SLC8A3: variants seen among roughly 807,000 people sequenced by gnomAD.
SLC8A3 encodes the protein solute carrier family 8 member A3.
SLC8A3 carries 37 observed loss-of-function variants against 65.4 expected under a neutral mutation model. The ratio of observed to expected loss-of-function variants is 0.57; its 90% CI spans 0.44 to 0.74. The LOEUF is 0.74. Among genes scored for constraint, SLC8A3 ranks in the 30% least tolerant of loss-of-function variants. The pLI is 0.00. For synonymous variants in SLC8A3, 461 were observed against 444.5 expected (o/e 1.04, Z -0.47); for missense variants, 1,112 against 1,172.1 (o/e 0.95, Z 0.75).
At chr14:70,105,024 A>G (rs1371788791) in intron 2 of SLC8A3, among the ~76,000 whole-genome samples, 1 of 152,214 alleles carries the variant, frequency 6.6e-6, no homozygotes, top group Non-Finnish European at 1.5e-5. Flanking sequence ...TCCTTTGAAA[A>G]GATTAATAAA....
intron 2 of SLC8A3, among the ~76,000 whole-genome samples, chr14:70,132,800 T>C (rs1264440613): frequency 6.6e-6 from 1 of 152,180 alleles, no homozygotes; most frequent in Admixed American, 6.5e-5. Flanking sequence ...GCTGAGACAG[T>C]GGAGACAGGA....
At chr14:70,075,918 A>G (rs1194040901) in intron 2 of SLC8A3, among the ~76,000 whole-genome samples, 2 of 152,190 alleles carry the variant, frequency 1.3e-5, no homozygotes, top group African/African-American at 4.8e-5. Context: ...TTTGTGACTC[A>G]GCAGGTCTGG....
At position 70,048,928 on chromosome 14, in the gene SLC8A3, G is replaced by C. The variant is rs1205251980; in HGVS notation, c.2228C>G (p.Thr743Arg). ...WKVLFACVPP[T>R]EYCHGWACFA... ...GCAGGCCCAGCCGTGGCAGTACTCT[G>C]TGGGGGGCACACAGGCAAACAGCAC... The change falls in exon 6 of 7, where the codon ACA (threonine) becomes AGA (arginine). Residue 743 changes from threonine (T) to arginine (R), a missense_variant. By Grantham distance (71) the Thr-to-Arg change is moderately conservative (BLOSUM62 -1). Transcript: ENST00000356921. 6.2e-7 allele frequency: 1 copy of C among 1,614,248 alleles called. No individual in the cohort carries two copies.
At chr14:70,088,264 A>C (rs1204249590) in intron 2 of SLC8A3, among the ~76,000 whole-genome samples, 1 of 152,226 alleles carries the variant, frequency 6.6e-6, no homozygotes, top group Non-Finnish European at 1.5e-5. Context: ...GAGAACTAAC[A>C]AAGCCCCTTA....
chr14:70,063,895 C>T (rs1276886029), intron 2 of SLC8A3: 2 of 1,610,766 alleles, frequency 1.2e-6, no homozygotes, highest in South Asian at 1.1e-5. Flanking sequence ...TTCTCATATG[C>T]CTCATCATCA....
intron 1 of SLC8A3, among the ~76,000 whole-genome samples, chr14:70,171,013 C>CTCT (rs1431208076): frequency 3.9e-5 from 6 of 152,206 alleles, no homozygotes; most frequent in Non-Finnish European, 5.9e-5. Flanking sequence ...GGCATTCATT[C>CTCT]AGAGGTTTGA....
At chr14:70,133,510 C>T (rs1894988747) in intron 2 of SLC8A3, among the ~76,000 whole-genome samples, 1 of 152,172 alleles carries the variant, frequency 6.6e-6, no homozygotes. Context: ...ATTGAGGCTG[C>T]AGGAAAGCTG....
chr14:70,129,966 C>T (rs28613997), intron 2 of SLC8A3, among the ~76,000 whole-genome samples: 1,964 of 152,376 alleles, frequency 0.013, 47 homozygotes, highest in African/African-American at 0.045. Context: ...TAAGACCAAG[C>T]TATTGCCTGC....
At chr14:70,103,076 A>G (rs1892640938) in intron 2 of SLC8A3, among the ~76,000 whole-genome samples, 1 of 152,060 alleles carries the variant, frequency 6.6e-6, no homozygotes, top group African/African-American at 2.4e-5. Context: ...AAAATAATAC[A>G]TTGTGTATAG....
At position 70,122,945 on chromosome 14, in the gene SLC8A3, G is replaced by A. The variant is rs186973720; in HGVS notation, c.1784+43694C>T. ...AAATTAGCTGGGTGCGGTGGCGGGC[G>A]CCTGTAGTCCCAGCTACTTGGGAGG... On this transcript the variant is annotated intron_variant, in intron 2 of 6. Transcript: ENST00000356921. Among the ~76,000 whole-genome samples the A allele has an allele frequency of 7.3e-3, 1,113 of 151,856 alleles. 11 individuals are homozygous for A. The highest frequency in any genetic ancestry group is 0.012 in the Non-Finnish European group (817 of 67,936).
At chr14:70,168,631 A>T in intron 1 of SLC8A3, 147 bp from the exon 2 acceptor site, 1 of 567,748 alleles carries the variant, frequency 1.8e-6, no homozygotes, top group South Asian at 2.3e-5. Flanking sequence ...AATAGATGTC[A>T]ATGGGAGGCA....
At position 70,131,480 on chromosome 14, in the gene SLC8A3, AG is replaced by A. The variant is rs1417443547; in HGVS notation, c.1784+35158del. On this transcript the variant is annotated intron_variant, in intron 2 of 6. Transcript: ENST00000356921. The stretch of plus-strand genomic sequence containing the variant: ...GCGAACATAATAAAAGCTAGCCCAC[AG>A]GGTATACAGCAGGTGTTCTCAAATG... Among the ~76,000 whole-genome samples the A allele has an allele frequency of 2.6e-5, 4 of 152,224 alleles. No individual in the cohort carries two copies. The East Asian group carries it at 7.7e-4, about 29-fold the overall frequency.
intron 2 of SLC8A3, among the ~76,000 whole-genome samples, chr14:70,085,483 C>T (rs191986856): frequency 2.0e-5 from 3 of 152,198 alleles, no homozygotes; most frequent in African/African-American, 7.2e-5. Context: ...GCCCCAAGGC[C>T]CTTCTCTTAC....
intron 2 of SLC8A3, chr14:70,063,771 C>G: frequency 1.0e-6 from 1 of 1,002,530 alleles, no homozygotes; most frequent in Non-Finnish European, 1.6e-6. Flanking sequence ...GAGGAAGAAA[C>G]AGAAGAGGAG....
At position 70,067,364 on chromosome 14, in the gene SLC8A3, AG is replaced by A; in HGVS notation, c.1785-6426del. 2.0e-5 allele frequency among the ~76,000 whole-genome samples: 3 copies of A among 152,326 alleles called. No individual in the cohort carries two copies. The Middle Eastern group carries it at 0.01, about 518-fold the overall frequency. ...TACTGGATGTAAGCTCTGCAAGTAC[AG>A]AGAACTTGTCTTTTTTCAAAAGCTT... On this transcript the variant is annotated intron_variant, in intron 2 of 6. Transcript: ENST00000356921.
intron 1 of SLC8A3, among the ~76,000 whole-genome samples, chr14:70,174,197 G>A (rs1203018686): frequency 6.6e-6 from 1 of 152,226 alleles, no homozygotes; most frequent in East Asian, 1.9e-4. Flanking sequence ...GGCTCAAGGA[G>A]GGCAGGCTGA....
intron 2 of SLC8A3, among the ~76,000 whole-genome samples, chr14:70,083,637 G>A (rs1238595999): frequency 6.6e-6 from 1 of 152,202 alleles, no homozygotes; most frequent in Non-Finnish European, 1.5e-5. Flanking sequence ...AGGCACTTCT[G>A]TTTACAGTTA....
At chr14:70,165,013 C>T (rs144535664) in intron 2 of SLC8A3, among the ~76,000 whole-genome samples, 401 of 152,326 alleles carry the variant, frequency 2.6e-3, no homozygotes, top group African/African-American at 9.2e-3. Flanking sequence ...TGGCCATTTC[C>T]CTTCAGGAGA....
At chr14:70,184,014 A>T (rs1882974253) in intron 1 of SLC8A3, among the ~76,000 whole-genome samples, 1 of 152,138 alleles carries the variant, frequency 6.6e-6, no homozygotes, top group Non-Finnish European at 1.5e-5. Flanking sequence ...CTGTTGCTTC[A>T]CTGCAATCTA....
Sources: allele counts gnomAD v4.1 joint callset (sites outside exome capture counted in the v4.1 genomes callset), GRCh38; gene constraint gnomAD v4.1.1; transcripts MANE v1.5; gene names NCBI Gene and HGNC (gene_info 2026-07-23, HGNC 2026-07-21).